CSRP3: variants seen among roughly 807,000 people sequenced by gnomAD.
CSRP3 encodes cysteine and glycine-rich protein 3.
In CSRP3, 24 loss-of-function variants were observed where a neutral mutation model predicts 24.3. That is an observed-to-expected ratio of 0.99 (90% CI 0.71 to 1.39). The LOEUF is 1.39. Among genes scored for constraint, CSRP3 ranks in the 40% most tolerant of loss-of-function variants. The pLI, the probability that CSRP3 is intolerant of heterozygous loss-of-function variation, is 0.00. For synonymous variants in CSRP3, 105 were observed against 94.0 expected, an observed-to-expected ratio of 1.12 and a Z score of -0.68; for missense variants, 240 against 249.0, an observed-to-expected ratio of 0.96 and a Z score of 0.24.
At chr11:19,183,336 C>T (rs908372972) in intron 5 of CSRP3, among the ~76,000 whole-genome samples, 18 of 152,254 alleles carry the variant, frequency 1.2e-4, no homozygotes, top group Admixed American at 5.2e-4. Flanking sequence ...TGTTGCCTCC[C>T]GCCTCTGCCT....
chr11:19,200,779 G>A (rs1050118608), intron 1 of CSRP3, among the ~76,000 whole-genome samples: 2 of 152,174 alleles, frequency 1.3e-5, no homozygotes, highest in African/African-American at 2.4e-5. Context: ...TGAATTGTAT[G>A]TACCCAGCAT....
At chr11:19,184,344 C>T (rs1303580353) in intron 5 of CSRP3, among the ~76,000 whole-genome samples, 2 of 152,196 alleles carry the variant, frequency 1.3e-5, no homozygotes, top group African/African-American at 4.8e-5. Flanking sequence ...AGGAGCTAAG[C>T]CTCTACTATT....
At position 19,182,139 on chromosome 11, in the gene CSRP3, C is replaced by T. The variant is rs1850444502; in HGVS notation, c.*531G>A. 1 of 158,814 alleles carries T rather than the reference C, an allele frequency of 6.3e-6. No individual in the cohort carries two copies. The highest frequency in any genetic ancestry group is 2.4e-5 in the African/African-American group (1 of 41,470). The allele number at this position is 158,814 out of a possible 1,614,324, so 9.8% of individuals were successfully genotyped here. On this transcript the variant is annotated 3_prime_UTR_variant, in exon 6 of 6. Transcript: ENST00000265968. ...TAGGACAAAGGGATCAACTCTTCAG[C>T]AATTTTATTAGTTTTGATTTTCCTT... is the stretch of plus-strand genomic sequence containing the variant.
intron 4 of CSRP3, 119 bp from the exon 5 acceptor site, chr11:19,185,164 A>G (rs978509811): frequency 3.5e-5 from 27 of 762,136 alleles, no homozygotes; most frequent in Middle Eastern, 5.7e-4. Flanking sequence ...TGCTTACCTA[A>G]TGGGCCCCAT....
chr11:19,183,557 T>G (rs1850473431), intron 5 of CSRP3, among the ~76,000 whole-genome samples: 1 of 152,228 alleles, frequency 6.6e-6, no homozygotes, highest in African/African-American at 2.4e-5. Flanking sequence ...TTTAGGTGAC[T>G]GCATTGTGAA....
intron 1 of CSRP3, among the ~76,000 whole-genome samples, chr11:19,198,336 G>C (rs1320442745): frequency 6.6e-6 from 1 of 152,192 alleles, no homozygotes; most frequent in African/African-American, 2.4e-5. Context: ...AGACTTCCCA[G>C]TTGATGGGAA....
At chr11:19,191,071 G>A (rs1397980253) in intron 2 of CSRP3, among the ~76,000 whole-genome samples, 1 of 152,104 alleles carries the variant, frequency 6.6e-6, no homozygotes, top group Admixed American at 6.5e-5. Flanking sequence ...TCCATATCAA[G>A]ACCCCCCAGT....
chr11:19,196,437 C>T (rs1235439675), intron 1 of CSRP3, among the ~76,000 whole-genome samples: 2 of 152,082 alleles, frequency 1.3e-5, no homozygotes, highest in Non-Finnish European at 2.9e-5. Context: ...TATTTTTTCC[C>T]ACTTCACTTT....
intron 1 of CSRP3, among the ~76,000 whole-genome samples, chr11:19,201,599 A>G (rs1850844455): frequency 1.3e-5 from 2 of 152,250 alleles, no homozygotes; most frequent in Admixed American, 6.5e-5. Context: ...GTAAGACGAG[A>G]AGGTCAGCAG....
intron 1 of CSRP3, among the ~76,000 whole-genome samples, chr11:19,197,501 CTCTTTCTTTCTT>C (rs747850845): frequency 0.039 from 2,647 of 67,068 alleles, 57 homozygotes; most frequent in East Asian, 0.055. Flanking sequence ...CCCTCTTTTC[CTCTTTCTTTCTT>C]TCTTTCTTTC....
chr11:19,198,056 T>C (rs1173974993), intron 1 of CSRP3, among the ~76,000 whole-genome samples: 1 of 152,182 alleles, frequency 6.6e-6, no homozygotes, highest in African/African-American at 2.4e-5. Flanking sequence ...GATTGGAACT[T>C]ACGTTTCTCT....
At chr11:19,198,534 G>A (rs763437167) in intron 1 of CSRP3, among the ~76,000 whole-genome samples, 4 of 152,234 alleles carry the variant, frequency 2.6e-5, no homozygotes, top group African/African-American at 4.8e-5. Flanking sequence ...AGGTGGGGAC[G>A]GATGTCCAAG....
rs904202473 is a variant in CSRP3, at chr11:19,182,714, T to C, written c.541A>G (p.Ile181Val). Reference sequence around the variant, plus strand: ...TGTTGTGTAAGGCCTCCAAACCCAATACCCGTGGGGCCAAAATTTTTGGCA... The same window carrying C: ...TGTTGTGTAAGGCCTCCAAACCCAACACCCGTGGGGCCAAAATTTTTGGCA... Reference protein sequence around the residue: ...CYAKNFGPTGIGFGGLTQQVE... With the variant: ...CYAKNFGPTGVGFGGLTQQVE... The change falls in exon 6 of 6, where the codon ATT becomes GTT. Residue 181 changes from isoleucine to valine, a missense_variant. Ile to Val is a conservative substitution (Grantham distance 29). Transcript: ENST00000265968. 5.6e-6 allele frequency: 9 copies of C among 1,614,110 alleles called. No homozygotes were observed. Among genetic ancestry groups the C allele is most frequent in the Non-Finnish European group, 7.6e-6 (9 of 1,179,976 alleles).
intron 5 of CSRP3, 26 bp downstream of exon 5, chr11:19,184,926 T>C (rs1850499881): frequency 6.4e-7 from 1 of 1,558,546 alleles, no homozygotes. Flanking sequence ...AAAACATATT[T>C]CAAGAAAGTC....
chr11:19,201,034 A>G (rs1480097724), intron 1 of CSRP3, among the ~76,000 whole-genome samples: 1 of 152,200 alleles, frequency 6.6e-6, no homozygotes, highest in Non-Finnish European at 1.5e-5. Context: ...GGAACAGGGC[A>G]GAAATTAGAG....
intron 1 of CSRP3, among the ~76,000 whole-genome samples, chr11:19,194,274 C>T (rs1428130251): frequency 6.6e-6 from 1 of 152,206 alleles, no homozygotes; most frequent in Non-Finnish European, 1.5e-5. Context: ...CCCCAAAGAG[C>T]TTTTCCTGCT....
In CSRP3 at chr11:19,189,954, C is replaced by T. The variant is rs79829889; in HGVS notation, c.113-1650G>A. ...TCTTGTTACTGTCAGTTACCAACCTCCACAACAACTGCTTGCATATTTGCT... is the reference window on the plus strand; with the variant it reads ...TCTTGTTACTGTCAGTTACCAACCTTCACAACAACTGCTTGCATATTTGCT... On this transcript the variant is annotated intron_variant, in intron 2 of 5. Transcript: ENST00000265968. Among the ~76,000 whole-genome samples the T allele has an allele frequency of 7.9e-5, 12 of 152,306 alleles. No homozygotes were observed. In the East Asian group the frequency reaches 1.2e-3, roughly 15 times the overall value.
At chr11:19,185,423 G>A (rs1184035505) in intron 4 of CSRP3, among the ~76,000 whole-genome samples, 3 of 152,208 alleles carry the variant, frequency 2.0e-5, no homozygotes, top group Non-Finnish European at 4.4e-5. Context: ...AAGAAATCAG[G>A]CAATTGTTCA....
intron 1 of CSRP3, among the ~76,000 whole-genome samples, chr11:19,194,523 C>A (rs908436778): frequency 6.6e-6 from 1 of 151,974 alleles, no homozygotes; most frequent in Non-Finnish European, 1.5e-5. Flanking sequence ...CCCCACCCCC[C>A]AAAAAATTAC....
Sources: gnomAD v4.1 joint callset for allele counts (sites outside exome capture counted in the v4.1 genomes callset) on GRCh38, gnomAD v4.1.1 for gene constraint, MANE v1.5 for transcripts, NCBI Gene and HGNC (gene_info 2026-07-23, HGNC 2026-07-21) for gene names.